Variants in IMMP2L observed in about 807,000 individuals in gnomAD.
IMMP2L encodes the protein mitochondrial inner membrane protease subunit 2.
A neutral mutation model predicts 19.3 loss-of-function variants in IMMP2L; 18 were observed. That is an observed-to-expected ratio of 0.93 (90% CI 0.64 to 1.38). The LOEUF (loss-of-function observed/expected upper bound fraction) is 1.38. IMMP2L is among the 40% of genes most tolerant of loss of function. The pLI is 0.00. For synonymous variants in IMMP2L, 76 were observed against 73.0 expected, an observed-to-expected ratio of 1.04 and a Z score of -0.21; for missense variants, 233 against 218.2, an observed-to-expected ratio of 1.07 and a Z score of -0.43.
At chr7:111,350,083 T>C (rs759187410) in intron 3 of IMMP2L, among the ~76,000 whole-genome samples, 6 of 151,744 alleles carry the variant, frequency 4.0e-5, no homozygotes, top group Non-Finnish European at 7.4e-5. Flanking sequence ...TTCTCCTGCC[T>C]CACCCTCCCA....
chr7:111,444,327 G>A (rs1428780399), intron 3 of IMMP2L, among the ~76,000 whole-genome samples: 1 of 152,062 alleles, frequency 6.6e-6, no homozygotes, highest in African/African-American at 2.4e-5. Flanking sequence ...AAGAAAGATG[G>A]CACAGTGGCT....
At chr7:111,057,945 T>C (rs768484496) in intron 3 of IMMP2L, among the ~76,000 whole-genome samples, 4 of 152,204 alleles carry the variant, frequency 2.6e-5, no homozygotes, top group Non-Finnish European at 4.4e-5. Flanking sequence ...ATACAGCATA[T>C]GTATATGTGT....
At chr7:111,196,868 G>A (rs1413188995) in intron 3 of IMMP2L, among the ~76,000 whole-genome samples, 1 of 152,020 alleles carries the variant, frequency 6.6e-6, no homozygotes, top group Non-Finnish European at 1.5e-5. Flanking sequence ...TCTTAGGCAC[G>A]ACTCTTTAAC....
chr7:110,999,767 G>A lies in IMMP2L; in HGVS notation c.240-36202C>T, dbSNP rs148366850. ...GGTGGTCCATTCATAGTTACAAAAG[G>A]AGGGTGGGGTTGCTGTTGTGGGCTT... On this transcript the variant is annotated intron_variant, in intron 3 of 5. Coordinates refer to ENST00000405709, the MANE Select transcript of IMMP2L (RefSeq NM_032549.4). Among the ~76,000 whole-genome samples the A allele has an allele frequency of 4.6e-5, 7 of 152,244 alleles. No homozygotes were observed. The East Asian group carries it at 1.2e-3, about 25-fold the overall frequency.
At chr7:110,734,415 A>C (rs773160258) in intron 5 of IMMP2L, among the ~76,000 whole-genome samples, 25 of 152,370 alleles carry the variant, frequency 1.6e-4, no homozygotes, top group Non-Finnish European at 3.1e-4. Flanking sequence ...ACAGCAATGA[A>C]ATAGGGTATT....
chr7:111,045,738 C>T (rs57310121), intron 3 of IMMP2L, among the ~76,000 whole-genome samples: 16,954 of 152,230 alleles, frequency 0.11, 1,238 homozygotes, highest in Middle Eastern at 0.21. Context: ...AAAACTAATT[C>T]TCCCCTAGAG....
chr7:111,139,224 A>G (rs1359030392), intron 3 of IMMP2L, among the ~76,000 whole-genome samples: 1 of 152,142 alleles, frequency 6.6e-6, no homozygotes, highest in Non-Finnish European at 1.5e-5. Context: ...TTAAGACACC[A>G]TTTTAAAGCT....
chr7:111,215,154 A>T (rs893079939), intron 3 of IMMP2L, among the ~76,000 whole-genome samples: 6 of 152,126 alleles, frequency 3.9e-5, no homozygotes, highest in African/African-American at 1.4e-4. Flanking sequence ...GAGACATTAT[A>T]TATGTACAAG....
chr7:111,383,953 C>T (rs1231203818), intron 3 of IMMP2L, among the ~76,000 whole-genome samples: 2 of 152,070 alleles, frequency 1.3e-5, no homozygotes, highest in African/African-American at 2.4e-5. Context: ...ATTTATATCT[C>T]AATTAAGCAC....
At chr7:111,208,213 T>C (rs1052814865) in intron 3 of IMMP2L, among the ~76,000 whole-genome samples, 1 of 152,178 alleles carries the variant, frequency 6.6e-6, no homozygotes, top group African/African-American at 2.4e-5. Flanking sequence ...TGTTGCTATT[T>C]TAACAACATT....
intron 5 of IMMP2L, among the ~76,000 whole-genome samples, chr7:110,843,027 A>G (rs1805256465): frequency 6.6e-6 from 1 of 152,208 alleles, no homozygotes; most frequent in South Asian, 2.1e-4. Context: ...AATCTGAGAT[A>G]AAATGCATGG....
chr7:110,999,439 G>T (rs1823404870), intron 3 of IMMP2L, among the ~76,000 whole-genome samples: 1 of 148,784 alleles, frequency 6.7e-6, no homozygotes, highest in Non-Finnish European at 1.5e-5. Flanking sequence ...TTTTCTGCAA[G>T]ATTTTCTCAA....
intron 3 of IMMP2L, among the ~76,000 whole-genome samples, chr7:111,259,125 G>A (rs564436831): frequency 6.6e-6 from 1 of 152,068 alleles, no homozygotes; most frequent in African/African-American, 2.4e-5. Context: ...ACATAGAAAA[G>A]GTAAAGTAAA....
At chr7:110,777,567 C>T (rs1799475268) in intron 5 of IMMP2L, among the ~76,000 whole-genome samples, 1 of 151,908 alleles carries the variant, frequency 6.6e-6, no homozygotes, top group South Asian at 2.1e-4. Flanking sequence ...AGGAATACTG[C>T]TGAGAAAGCT....
intron 3 of IMMP2L, among the ~76,000 whole-genome samples, chr7:111,441,152 C>G (rs1430256025): frequency 6.6e-6 from 1 of 151,846 alleles, no homozygotes; most frequent in African/African-American, 2.4e-5. Flanking sequence ...TTCTCATCAT[C>G]CATTTATTCA....
chr7:111,087,705 T>C (rs1300894207), intron 3 of IMMP2L, among the ~76,000 whole-genome samples: 1 of 152,022 alleles, frequency 6.6e-6, no homozygotes. Flanking sequence ...CAGGTAAAAT[T>C]ACAGAAACAA....
chr7:111,429,273 C>T (rs769884248), intron 3 of IMMP2L, among the ~76,000 whole-genome samples: 2 of 151,686 alleles, frequency 1.3e-5, no homozygotes, highest in Non-Finnish European at 1.5e-5. Flanking sequence ...TGCCTATAGG[C>T]ATCAACACAA....
Position 110,669,046 on chromosome 7 carries a change from T to TGTGC in IMMP2L, c.409-5326_409-5325insGCAC, listed in dbSNP as rs1554389109. On this transcript the variant is annotated intron_variant, in intron 5 of 5. Transcript: ENST00000405709. ...AACAGTATGTGTGTGTGTGTGTGTG[T>TGTGC]GTGTGCGTGTGTGTGTGTGTGTGTG... is the stretch of plus-strand genomic sequence containing the variant. Among the ~76,000 whole-genome samples, 537 of 63,882 alleles carry TGTGC rather than the reference T, an allele frequency of 8.4e-3. 2 individuals carry two copies. Among genetic ancestry groups the TGTGC allele is most frequent in the African/African-American group, 0.038 (513 of 13,532 alleles). The allele number at this position is 63,882 out of a possible 152,430, so 41.9% of individuals were successfully genotyped here. A position where few individuals can be genotyped will look rare whatever the true frequency, so the allele number is the denominator to read the frequency against.
intron 3 of IMMP2L, among the ~76,000 whole-genome samples, chr7:111,187,319 G>C (rs1485273688): frequency 6.6e-6 from 1 of 152,148 alleles, no homozygotes; most frequent in African/African-American, 2.4e-5. Context: ...CACCCAAGGA[G>C]AGGGCCACCA....
Sources: allele counts gnomAD v4.1 joint callset (sites outside exome capture counted in the v4.1 genomes callset), GRCh38; gene constraint gnomAD v4.1.1; transcripts MANE v1.5; gene names NCBI Gene and HGNC (gene_info 2026-07-23, HGNC 2026-07-21).